The following LRRC4C variants were observed in gnomAD, a reference collection of about 807,000 sequenced individuals.
LRRC4C encodes leucine rich repeat containing 4C, also known as leucine-rich repeat-containing protein 4C.
Under a neutral mutation model 33.6 loss-of-function variants are expected in LRRC4C, and 5 were observed. The observed-to-expected ratio is 0.15, with a 90% CI of 0.08 to 0.31. LRRC4C has a LOEUF of 0.31. Among genes scored for constraint, LRRC4C ranks in the 10% least tolerant of loss-of-function variants. The pLI is 1.00. For synonymous variants in LRRC4C, 329 were observed against 302.0 expected (o/e 1.09, Z -0.93); for missense variants, 560 against 796.7 (o/e 0.70, Z 3.58).
intron 2 of LRRC4C, among the ~76,000 whole-genome samples, chr11:40,725,356 AT>A (rs1947237944): frequency 6.6e-6 from 1 of 152,078 alleles, no homozygotes; most frequent in Non-Finnish European, 1.5e-5. Flanking sequence ...AAATAAAAAA[AT>A]ATTAGCAGGG....
chr11:41,045,087 T>G (rs1248406037), intron 1 of LRRC4C, among the ~76,000 whole-genome samples: 1 of 152,128 alleles, frequency 6.6e-6, no homozygotes, highest in Non-Finnish European at 1.5e-5. Context: ...ATTTTTTTTC[T>G]CCTTTTGGTT....
At chr11:40,681,861 C>T (rs183140886) in intron 2 of LRRC4C, among the ~76,000 whole-genome samples, 1,539 of 152,230 alleles carry the variant, frequency 0.01, 13 homozygotes, top group Non-Finnish European at 0.016. Flanking sequence ...AACCAAACAT[C>T]GTATTTTCTC....
At chr11:40,717,962 T>A (rs1235936511) in intron 2 of LRRC4C, among the ~76,000 whole-genome samples, 1 of 152,148 alleles carries the variant, frequency 6.6e-6, no homozygotes, top group Non-Finnish European at 1.5e-5. Context: ...ATATTAAGAT[T>A]TAAAAATCTA....
chr11:40,951,074 C>T (rs1034448934), intron 1 of LRRC4C, among the ~76,000 whole-genome samples: 1 of 151,790 alleles, frequency 6.6e-6, no homozygotes, highest in African/African-American at 2.4e-5. Context: ...GCAACATAAA[C>T]TAATGGAAAT....
At chr11:41,346,456 C>T (rs1189132905) in intron 1 of LRRC4C, among the ~76,000 whole-genome samples, 1 of 152,154 alleles carries the variant, frequency 6.6e-6, no homozygotes. Context: ...ACAAAATAGA[C>T]TTCTACCTGG....
At chr11:40,373,472 A>T (rs1948539245) in intron 3 of LRRC4C, among the ~76,000 whole-genome samples, 1 of 152,208 alleles carries the variant, frequency 6.6e-6, no homozygotes, top group Non-Finnish European at 1.5e-5. Flanking sequence ...AAATTAATAA[A>T]TTAAAAAACT....
chr11:41,017,464 C>T (rs893954609), intron 1 of LRRC4C, among the ~76,000 whole-genome samples: 5 of 152,074 alleles, frequency 3.3e-5, no homozygotes, highest in African/African-American at 4.8e-5. Context: ...CTACTGACCA[C>T]GGAAAGAGGA....
At chr11:41,340,448 C>T (rs1423825154) in intron 1 of LRRC4C, among the ~76,000 whole-genome samples, 2 of 152,236 alleles carry the variant, frequency 1.3e-5, no homozygotes, top group South Asian at 2.1e-4. Flanking sequence ...AAGTCTTAAT[C>T]GGAAGTTAAA....
At chr11:40,934,581 T>C (rs1957784350) in intron 1 of LRRC4C, among the ~76,000 whole-genome samples, 1 of 152,190 alleles carries the variant, frequency 6.6e-6, no homozygotes. Context: ...TAAAACACTT[T>C]TTTTTTCACT....
At chr11:40,475,960 T>C (rs1953197072) in intron 3 of LRRC4C, among the ~76,000 whole-genome samples, 1 of 152,146 alleles carries the variant, frequency 6.6e-6, no homozygotes, top group African/African-American at 2.4e-5. Flanking sequence ...AATAATTTTT[T>C]GCTGTTGGGG....
chr11:40,181,151 G>A (rs1272864657), intron 5 of LRRC4C, among the ~76,000 whole-genome samples: 5 of 152,104 alleles, frequency 3.3e-5, no homozygotes. Flanking sequence ...TTCTCTCCAG[G>A]AAGGATGAAA....
At chr11:40,833,233 C>G (rs536732362) in intron 2 of LRRC4C, among the ~76,000 whole-genome samples, 21 of 152,024 alleles carry the variant, frequency 1.4e-4, no homozygotes, top group Non-Finnish European at 2.8e-4. Context: ...CAGATAAAGT[C>G]TCTGCTGGGC....
At chr11:40,834,911 G>GACACACAC (rs10682975) in intron 2 of LRRC4C, among the ~76,000 whole-genome samples, 4,165 of 84,854 alleles carry the variant, frequency 0.049, 158 homozygotes, top group African/African-American at 0.055. Flanking sequence ...CAGACAGACA[G>GACACACAC]ACACACACAC....
At chr11:41,398,266 C>T (rs1447450717) in intron 1 of LRRC4C, among the ~76,000 whole-genome samples, 4 of 151,942 alleles carry the variant, frequency 2.6e-5, no homozygotes, top group Non-Finnish European at 4.4e-5. Flanking sequence ...ATTTTGCACA[C>T]TTTTTTTAAG....
At chr11:41,358,590 T>G (rs1052345818) in intron 1 of LRRC4C, among the ~76,000 whole-genome samples, 2 of 152,076 alleles carry the variant, frequency 1.3e-5, no homozygotes, top group African/African-American at 4.8e-5. Flanking sequence ...AACAGACAGC[T>G]CACTGAAGCA....
At chr11:41,168,579 G>A (rs1435728644) in intron 1 of LRRC4C, among the ~76,000 whole-genome samples, 1 of 151,854 alleles carries the variant, frequency 6.6e-6, no homozygotes, top group Non-Finnish European at 1.5e-5. Context: ...ATAAGGTGAA[G>A]ACAGGATAGG....
intron 3 of LRRC4C, among the ~76,000 whole-genome samples, chr11:40,493,478 C>T (rs993292222): frequency 6.6e-6 from 1 of 151,874 alleles, no homozygotes; most frequent in Non-Finnish European, 1.5e-5. Flanking sequence ...GAAATAAATG[C>T]AACTGACATG....
chr11:41,187,384 A>G (rs1034337875), intron 1 of LRRC4C, among the ~76,000 whole-genome samples: 26 of 152,164 alleles, frequency 1.7e-4, no homozygotes, highest in Non-Finnish European at 1.0e-4. Flanking sequence ...TGCACTGGCG[A>G]AAGAGCACAC....
chr11:40,978,490 G>C (rs1219476854), intron 1 of LRRC4C, among the ~76,000 whole-genome samples: 3 of 152,084 alleles, frequency 2.0e-5, no homozygotes, highest in African/African-American at 7.2e-5. Flanking sequence ...TAGAGACCAG[G>C]GATATTGCTA....
Sources: gnomAD v4.1 joint callset for allele counts (sites outside exome capture counted in the v4.1 genomes callset) on GRCh38, gnomAD v4.1.1 for gene constraint, MANE v1.5 for transcripts, NCBI Gene and HGNC (gene_info 2026-07-23, HGNC 2026-07-21) for gene names.